CCDC6: variants seen among roughly 807,000 people sequenced by gnomAD.
The protein encoded by CCDC6 is coiled-coil domain containing 6.
CCDC6 carries 20 observed loss-of-function variants against 56.6 expected under a neutral mutation model. The ratio of observed to expected loss-of-function variants is 0.35; its 90% CI spans 0.25 to 0.51. The LOEUF (loss-of-function observed/expected upper bound fraction) is 0.51, where lower values mean the gene tolerates loss of function less well. Ranked by LOEUF, CCDC6 falls within the 20% of genes least tolerant of loss-of-function variation. The pLI, the probability that CCDC6 is intolerant of heterozygous loss-of-function variation, is 0.95. For synonymous variants in CCDC6, 241 were observed against 234.4 expected (o/e 1.03, Z -0.26); for missense variants, 367 against 601.1 (o/e 0.61, Z 4.07).
chr10:59,798,869 G>C (rs925163820), intron 7 of CCDC6, among the ~76,000 whole-genome samples: 10 of 109,528 alleles, frequency 9.1e-5, no homozygotes, highest in African/African-American at 4.1e-4. Flanking sequence ...GGTTTGTGCT[G>C]ATAAATCCCA....
chr10:59,850,245 G>T (rs974166323), intron 2 of CCDC6, among the ~76,000 whole-genome samples: 38 of 152,158 alleles, frequency 2.5e-4, no homozygotes, highest in Non-Finnish European at 5.1e-4. Flanking sequence ...GTTTGAAAAG[G>T]TTCTGGAGAT....
rs1158784622 is a variant in CCDC6, at chr10:59,812,621, C to T, written c.847+14G>A. 2.5e-6 allele frequency: 4 copies of T among 1,589,818 alleles called. No individual in the cohort carries two copies. Among genetic ancestry groups the T allele is most frequent in the Non-Finnish European group, 3.4e-6 (4 of 1,164,370 alleles). On this transcript the variant is annotated intron_variant, in intron 5 of 8. Transcript: ENST00000263102. Reference sequence around the variant, plus strand: ...TCTACAGGCATGAAACTAGTGAAACCAGAGGCTACGTACGCTGTAACTGAG... The same window carrying T: ...TCTACAGGCATGAAACTAGTGAAACTAGAGGCTACGTACGCTGTAACTGAG...
At chr10:59,799,715 A>G (rs934750150) in intron 7 of CCDC6, among the ~76,000 whole-genome samples, 8 of 152,174 alleles carry the variant, frequency 5.3e-5, no homozygotes, top group Admixed American at 2.6e-4. Flanking sequence ...CCCAGTGCCA[A>G]TCAGCACCTC....
intron 1 of CCDC6, among the ~76,000 whole-genome samples, chr10:59,895,441 T>C (rs2071454907): frequency 6.6e-6 from 1 of 152,220 alleles, no homozygotes; most frequent in Non-Finnish European, 1.5e-5. Context: ...AGGCAAGTGA[T>C]ACAAGCTTTC....
Position 59,842,184 on chromosome 10 carries a change from G to A in CCDC6, c.454-9531C>T, listed in dbSNP as rs1267751870. On this transcript the variant is annotated intron_variant, in intron 2 of 8. Coordinates refer to ENST00000263102, the MANE Select transcript of CCDC6 (RefSeq NM_005436.5). ...AGCATCCCGAGTAGCTGGGACTACA[G>A]GCGTGCACCATCACACCCCACTAAC... 4.6e-5 allele frequency among the ~76,000 whole-genome samples: 7 copies of A among 152,136 alleles called. No individual in the cohort carries two copies. In the East Asian group the frequency reaches 1.4e-3, roughly 30 times the overall value.
At chr10:59,802,026 G>C (rs989846117) in intron 7 of CCDC6, among the ~76,000 whole-genome samples, 2 of 152,124 alleles carry the variant, frequency 1.3e-5, no homozygotes, top group Non-Finnish European at 2.9e-5. Flanking sequence ...TGCTATGAGG[G>C]TGCAGACCTA....
chr10:59,897,618 T>A (rs1177571023), intron 1 of CCDC6, among the ~76,000 whole-genome samples: 10 of 152,160 alleles, frequency 6.6e-5, no homozygotes. Flanking sequence ...TGAAAAGTTA[T>A]CTATATGAAA....
chr10:59,815,035 T>G (rs1198204449), intron 3 of CCDC6, among the ~76,000 whole-genome samples: 3 of 152,142 alleles, frequency 2.0e-5, no homozygotes, highest in Non-Finnish European at 4.4e-5. Flanking sequence ...CTTAGAGAGG[T>G]CTTTAGGGGA....
In CCDC6 at chr10:59,882,693, G is replaced by A. The variant is rs1347738431; in HGVS notation, c.303+23429C>T. ...TTAGTGAAACTGGCCAGGAGCAGTG[G>A]CTCACGCCTGTAATCCCAACAGTTT... is the stretch of plus-strand genomic sequence containing the variant. On this transcript the variant is annotated intron_variant, in intron 1 of 8. Coordinates refer to ENST00000263102, the MANE Select transcript of CCDC6 (RefSeq NM_005436.5). Among the ~76,000 whole-genome samples, 9 of 144,932 alleles carry A rather than the reference G, an allele frequency of 6.2e-5. No homozygotes were observed. In the East Asian group the frequency reaches 1.9e-3, roughly 31 times the overall value.
chr10:59,841,793 G>A (rs1032500740), intron 2 of CCDC6, among the ~76,000 whole-genome samples: 1 of 150,980 alleles, frequency 6.6e-6, no homozygotes, highest in African/African-American at 2.4e-5. Context: ...TCAGCCTCCC[G>A]AGTAGCTGGG....
chr10:59,799,250 G>T (rs1163460447), intron 7 of CCDC6, among the ~76,000 whole-genome samples: 3 of 151,846 alleles, frequency 2.0e-5, no homozygotes, highest in Admixed American at 2.0e-4. Context: ...GGTCAACACG[G>T]TGAAACCTTG....
intron 5 of CCDC6, among the ~76,000 whole-genome samples, chr10:59,808,015 GCTGT>G (rs2070640985): frequency 6.6e-6 from 1 of 152,104 alleles, no homozygotes; most frequent in Admixed American, 6.5e-5. Flanking sequence ...TGTGTGTGTG[GCTGT>G]CTGTTACCCT....
chr10:59,902,388 C>CTTTTT (rs35175510), intron 1 of CCDC6, among the ~76,000 whole-genome samples: 5 of 88,422 alleles, frequency 5.7e-5, no homozygotes, highest in African/African-American at 1.3e-4. Flanking sequence ...AACAGTAACT[C>CTTTTT]TTTTTTTTTT....
intron 5 of CCDC6, among the ~76,000 whole-genome samples, 172 bp downstream of exon 5, chr10:59,812,463 C>CAAAA (rs11408656): frequency 4.9e-5 from 7 of 141,932 alleles, no homozygotes; most frequent in African/African-American, 7.7e-5. Context: ...CTATAACACT[C>CAAAA]AAAAAAAAAA....
intron 4 of CCDC6, among the ~76,000 whole-genome samples, chr10:59,813,150 T>G (rs1377309230): frequency 6.6e-6 from 1 of 152,366 alleles, no homozygotes; most frequent in Admixed American, 6.5e-5. Flanking sequence ...TTGGGTTTAG[T>G]GCATGAAGAT....
In CCDC6 at chr10:59,882,473, C is replaced by CGGGGAGA. The variant is rs763665186; in HGVS notation, c.303+23648_303+23649insTCTCCCC. ...GCCGGCGGGAGAAGGAAAGGAAAGC[C>CGGGGAGA]AGGGGGAGAAGGAAAGGAAAGCCGG... On this transcript the variant is annotated intron_variant, in intron 1 of 8. Transcript: ENST00000263102. Among the ~76,000 whole-genome samples, 3 of 7,276 alleles carry CGGGGAGA rather than the reference C, an allele frequency of 4.1e-4. 1 individual carries two copies. Among genetic ancestry groups the CGGGGAGA allele is most frequent in the Non-Finnish European group, 6.6e-4 (3 of 4,518 alleles). The allele number at this position is 7,276 out of a possible 152,430, so 4.8% of individuals were successfully genotyped here.
intron 1 of CCDC6, among the ~76,000 whole-genome samples, chr10:59,856,897 C>G (rs916958352): frequency 6.6e-6 from 1 of 152,148 alleles, no homozygotes; most frequent in Non-Finnish European, 1.5e-5. Flanking sequence ...ATTAGGAACT[C>G]TTTGAAGGAA....
At chr10:59,824,205 A>T (rs1024053057) in intron 3 of CCDC6, among the ~76,000 whole-genome samples, 3 of 152,034 alleles carry the variant, frequency 2.0e-5, no homozygotes, top group Non-Finnish European at 4.4e-5. Context: ...TTCCTTTTTC[A>T]TATCCTACAG....
At chr10:59,807,116 G>A in intron 5 of CCDC6, 38 bp from the exon 6 acceptor site, 4 of 1,591,724 alleles carry the variant, frequency 2.5e-6, no homozygotes, top group Non-Finnish European at 3.4e-6. Flanking sequence ...CATGTTTCAT[G>A]CAATCATATC....
Sources: gnomAD v4.1 joint callset for allele counts (sites outside exome capture counted in the v4.1 genomes callset) on GRCh38, gnomAD v4.1.1 for gene constraint, MANE v1.5 for transcripts, NCBI Gene and HGNC (gene_info 2026-07-23, HGNC 2026-07-21) for gene names.